FSTL5: variants seen among roughly 807,000 people sequenced by gnomAD.
The protein encoded by FSTL5 is follistatin like 5.
Under a neutral mutation model 89.1 loss-of-function variants are expected in FSTL5, and 62 were observed. The observed-to-expected ratio is 0.70, with a 90% CI of 0.57 to 0.86. The LOEUF (loss-of-function observed/expected upper bound fraction) is 0.86, where lower values mean the gene tolerates loss of function less well. FSTL5 is among the 40% of genes least tolerant of loss of function. FSTL5 has a pLI of 0.00. For missense variants in FSTL5, 1,057 were observed against 1,001.6 expected (o/e 1.06, Z -0.75); for synonymous variants, 383 against 346.2 (o/e 1.11, Z -1.18).
chr4:162,140,605 G>A (rs190584137), intron 1 of FSTL5, among the ~76,000 whole-genome samples: 21 of 152,282 alleles, frequency 1.4e-4, no homozygotes, highest in Admixed American at 1.3e-3. Context: ...TGACAGATGA[G>A]TGAAATTGCC....
At chr4:161,527,669 A>T (rs1453894893) in intron 10 of FSTL5, among the ~76,000 whole-genome samples, 2 of 151,808 alleles carry the variant, frequency 1.3e-5, no homozygotes, top group African/African-American at 4.8e-5. Flanking sequence ...GGATGTGGAG[A>T]AATAGGAACA....
chr4:161,730,134 T>C (rs1338613530), intron 6 of FSTL5, among the ~76,000 whole-genome samples: 5 of 152,146 alleles, frequency 3.3e-5, no homozygotes, highest in Non-Finnish European at 7.4e-5. Context: ...CATGTCTAAG[T>C]TTCTGAGTTT....
chr4:161,785,611 C>T (rs937893372), intron 4 of FSTL5, among the ~76,000 whole-genome samples: 1 of 152,126 alleles, frequency 6.6e-6, no homozygotes, highest in Admixed American at 6.5e-5. Context: ...TGCAATGCAG[C>T]TATATGAGAA....
At chr4:161,625,149 A>C (rs1015778586) in intron 7 of FSTL5, among the ~76,000 whole-genome samples, 1 of 152,154 alleles carries the variant, frequency 6.6e-6, no homozygotes, top group South Asian at 2.1e-4. Context: ...GCAAATTTAC[A>C]GTCAATAAAT....
chr4:162,134,854 C>A (rs1188094322), intron 1 of FSTL5, among the ~76,000 whole-genome samples: 1 of 152,196 alleles, frequency 6.6e-6, no homozygotes, highest in African/African-American at 2.4e-5. Context: ...GTCAGCCAGG[C>A]AGTCCTTTTC....
chr4:161,813,851 A>G (rs1730241508), intron 4 of FSTL5, among the ~76,000 whole-genome samples: 1 of 152,202 alleles, frequency 6.6e-6, no homozygotes, highest in Non-Finnish European at 1.5e-5. Flanking sequence ...GAAAAGAAAG[A>G]TGAAGTACAA....
At chr4:162,153,136 C>T (rs150680855) in intron 1 of FSTL5, among the ~76,000 whole-genome samples, 2 of 152,206 alleles carry the variant, frequency 1.3e-5, no homozygotes, top group East Asian at 3.9e-4. Flanking sequence ...ATTCAACATT[C>T]TTCCACCCTA....
Position 161,982,671 on chromosome 4 carries a change from A to G in FSTL5, c.160+50954T>C, listed in dbSNP as rs77871549. On this transcript the variant is annotated intron_variant, in intron 3 of 15. Transcript: ENST00000306100. ...AATATTTGAATATTTGATTTAACAT[A>G]TGTACATTCAAGTATGGTGTTCATG... Among the ~76,000 whole-genome samples the G allele has an allele frequency of 0.013, 1,956 of 152,286 alleles. 129 individuals carry two copies. In the East Asian group the frequency reaches 0.21, roughly 16 times the overall value.
At chr4:161,739,134 G>A (rs1172177981) in intron 6 of FSTL5, among the ~76,000 whole-genome samples, 1 of 152,162 alleles carries the variant, frequency 6.6e-6, no homozygotes, top group African/African-American at 2.4e-5. Flanking sequence ...CTCATCCCCA[G>A]TATTTTAGAA....
chr4:161,708,047 C>T (rs1026547440), intron 6 of FSTL5, among the ~76,000 whole-genome samples: 1 of 151,970 alleles, frequency 6.6e-6, no homozygotes, highest in African/African-American at 2.4e-5. Flanking sequence ...GCATGTATTA[C>T]AATATGGAAT....
chr4:161,539,189 T>C (rs1026266748), intron 9 of FSTL5, among the ~76,000 whole-genome samples: 3 of 151,906 alleles, frequency 2.0e-5, no homozygotes, highest in Admixed American at 2.0e-4. Flanking sequence ...CCTGTGTGGG[T>C]ACTGTGTGTG....
intron 6 of FSTL5, among the ~76,000 whole-genome samples, chr4:161,676,679 A>G (rs533236972): frequency 3.9e-5 from 6 of 152,032 alleles, no homozygotes; most frequent in African/African-American, 1.2e-4. Flanking sequence ...AATAAAGTAA[A>G]TAAATTAAAG....
chr4:162,154,359 T>C (rs1376610862), intron 1 of FSTL5, among the ~76,000 whole-genome samples: 2 of 152,212 alleles, frequency 1.3e-5, no homozygotes, highest in Admixed American at 1.3e-4. Context: ...AAATCTTTTG[T>C]TGAAGATCTT....
chr4:161,859,885 A>G (rs1731844887), intron 4 of FSTL5, among the ~76,000 whole-genome samples: 1 of 152,222 alleles, frequency 6.6e-6, no homozygotes, highest in African/African-American at 2.4e-5. Context: ...TGAAGATCAG[A>G]TAACAATTAA....
intron 5 of FSTL5, among the ~76,000 whole-genome samples, chr4:161,774,113 T>G (rs906000145): frequency 6.6e-6 from 1 of 151,944 alleles, no homozygotes; most frequent in East Asian, 1.9e-4. Flanking sequence ...TACAAAAAAA[T>G]TAGCCAGGCA....
intron 1 of FSTL5, among the ~76,000 whole-genome samples, chr4:162,138,895 G>A (rs527679281): frequency 7.1e-4 from 108 of 151,976 alleles, no homozygotes; most frequent in Non-Finnish European, 1.3e-3. Context: ...TAAAAAATAT[G>A]TAGAAGCCCT....
chr4:161,396,653 TA>T (rs202204959), intron 15 of FSTL5, among the ~76,000 whole-genome samples: 6,955 of 125,060 alleles, frequency 0.056, 340 homozygotes, highest in East Asian at 0.2. Flanking sequence ...CACTCTGTCT[TA>T]AAAAAAAAAA....
intron 3 of FSTL5, among the ~76,000 whole-genome samples, chr4:162,028,762 G>T (rs979668005): frequency 5.8e-4 from 88 of 152,166 alleles, no homozygotes; most frequent in African/African-American, 1.8e-3. Flanking sequence ...TACATGAATT[G>T]CCATCTTTCA....
intron 4 of FSTL5, among the ~76,000 whole-genome samples, chr4:161,856,759 A>G (rs531603027): frequency 1.3e-5 from 2 of 152,230 alleles, no homozygotes; most frequent in African/African-American, 4.8e-5. Flanking sequence ...TCATAAGGAA[A>G]TAAAACCAAG....
Sources: gnomAD v4.1 joint callset for allele counts (sites outside exome capture counted in the v4.1 genomes callset) on GRCh38, gnomAD v4.1.1 for gene constraint, MANE v1.5 for transcripts, NCBI Gene and HGNC (gene_info 2026-07-23, HGNC 2026-07-21) for gene names.